TRIM74: variants seen among roughly 807,000 people sequenced by gnomAD.
TRIM74 encodes the protein tripartite motif-containing protein 74.
A neutral mutation model predicts 14.5 loss-of-function variants in TRIM74; 3 were observed. The ratio of observed to expected loss-of-function variants is 0.21; its 90% CI spans 0.09 to 0.53. The LOEUF is 0.53. Ranked by LOEUF, TRIM74 falls within the 20% of genes least tolerant of loss-of-function variation. TRIM74 has a pLI of 0.95. For missense variants in TRIM74, 26 were observed against 174.0 expected, an observed-to-expected ratio of 0.15 and a Z score of 4.79; for synonymous variants, 10 against 71.3, an observed-to-expected ratio of 0.14 and a Z score of 4.33.
chr7:72,958,739 C>G (rs1798126956), downstream of TRIM74, among the ~76,000 whole-genome samples: 2 of 91,380 alleles, frequency 2.2e-5, no homozygotes, highest in Admixed American at 1.1e-4. Context: ...TTGTATTTTT[C>G]ATAGAGACAG....
downstream of TRIM74, among the ~76,000 whole-genome samples, chr7:72,955,393 G>A (rs1258941859): frequency 2.8e-4 from 36 of 128,814 alleles, no homozygotes; most frequent in African/African-American, 1.1e-3. Context: ...CCCCACGCTG[G>A]CCATAATTAT....
At chr7:72,963,648 A>G (rs1443883328) in intron 2 of TRIM74, among the ~76,000 whole-genome samples, 6 of 140,638 alleles carry the variant, frequency 4.3e-5, no homozygotes, top group Admixed American at 3.6e-4. Flanking sequence ...AGACGGGAGG[A>G]TCACTTGAGG....
chr7:72,963,668 T>G (rs1216053159), intron 2 of TRIM74, among the ~76,000 whole-genome samples: 6 of 142,190 alleles, frequency 4.2e-5, no homozygotes, highest in Non-Finnish European at 7.8e-5. Flanking sequence ...GCCAGGAGTT[T>G]GAGTCCAGCC....
chr7:72,967,595 CT>C (rs1294524832), intron 1 of TRIM74, among the ~76,000 whole-genome samples: 1 of 121,136 alleles, frequency 8.3e-6, no homozygotes, highest in Non-Finnish European at 1.7e-5. Context: ...CTAATACAAA[CT>C]GGCAGATGAT....
At chr7:72,967,073 C>T (rs1798298570) in intron 1 of TRIM74, 1 of 152,802 alleles carries the variant, frequency 6.5e-6, no homozygotes, top group Admixed American at 6.5e-5. Flanking sequence ...GGGAGGCAGC[C>T]TTTGTTGGGC....
chr7:72,962,642 C>G (rs1451374373), intron 2 of TRIM74, among the ~76,000 whole-genome samples: 9 of 89,010 alleles, frequency 1.0e-4, no homozygotes, highest in African/African-American at 2.4e-4. Context: ...AGATCGCCCA[C>G]TGCACTCCAG....
intron 2 of TRIM74, among the ~76,000 whole-genome samples, chr7:72,962,676 G>A (rs1388093063): frequency 8.4e-6 from 1 of 118,444 alleles, no homozygotes; most frequent in Admixed American, 8.5e-5. Context: ...GCGAGACTCC[G>A]TCTCAAAAAA....
chr7:72,955,388 C>T (rs1460875803), downstream of TRIM74, among the ~76,000 whole-genome samples: 2 of 130,106 alleles, frequency 1.5e-5, no homozygotes, highest in Admixed American at 7.8e-5. Context: ...TGAGCCCCCA[C>T]GCTGGCCATA....
At chr7:72,955,031 C>T, downstream of TRIM74, 2 of 637,816 alleles carry the variant, frequency 3.1e-6, no homozygotes, top group East Asian at 6.0e-5. Flanking sequence ...AATATGTTCA[C>T]ATGTGTATTG....
chr7:72,967,696 TG>T (rs1343727284), intron 1 of TRIM74, among the ~76,000 whole-genome samples: 89 of 40,704 alleles, frequency 2.2e-3, no homozygotes, highest in Middle Eastern at 5.5e-3. Flanking sequence ...GGGCTGGTTT[TG>T]AACTCCTGGC....
At chr7:72,963,859 G>A (rs1798229789) in intron 2 of TRIM74, among the ~76,000 whole-genome samples, 1 of 53,622 alleles carries the variant, frequency 1.9e-5, no homozygotes, top group African/African-American at 6.9e-5. Flanking sequence ...ACCTGCAGTT[G>A]GCTTCCACCT....
At chr7:72,966,994 C>T (rs1478273063) in intron 1 of TRIM74, 1 of 141,516 alleles carries the variant, frequency 7.1e-6, no homozygotes, top group Non-Finnish European at 1.5e-5. Context: ...TCCTCCCCTT[C>T]CCCAGCAACA....
chr7:72,955,102 TATATATA>T (rs1798066194), downstream of TRIM74: 164 of 166,650 alleles, frequency 9.8e-4, no homozygotes, highest in East Asian at 3.7e-3. Context: ...TATATATATA[TATATATA>T]TATTTTTTTT....
At chr7:72,967,097 A>C (rs536287437) in intron 1 of TRIM74, 1 of 154,048 alleles carries the variant, frequency 6.5e-6, no homozygotes, top group East Asian at 1.9e-4. Context: ...CTCTGATAAC[A>C]TTCAAGTGCT....
chr7:72,969,197 C>A, intron 1 of TRIM74, 88 bp downstream of exon 1: 1 of 252,852 alleles, frequency 4.0e-6, no homozygotes, highest in Non-Finnish European at 7.8e-6. Flanking sequence ...CGCGCTCCCA[C>A]TGTGCGCCCC....
chr7:72,966,385 G>A (rs1159225203), intron 1 of TRIM74, among the ~76,000 whole-genome samples: 10 of 42,950 alleles, frequency 2.3e-4, no homozygotes, highest in African/African-American at 5.4e-4. Context: ...TTGAAGATAC[G>A]TGTGTGTGTG....
downstream of TRIM74, among the ~76,000 whole-genome samples, chr7:72,955,535 T>TG (rs1204479529): frequency 1.3e-5 from 2 of 149,152 alleles, no homozygotes; most frequent in African/African-American, 5.0e-5. Context: ...TCATGATACC[T>TG]GCCACTCACC....
At chr7:72,955,422 T>C (rs1310905494), downstream of TRIM74, among the ~76,000 whole-genome samples, 9 of 123,140 alleles carry the variant, frequency 7.3e-5, no homozygotes, top group Non-Finnish European at 1.3e-4. Context: ...GTTTATTGTC[T>C]TATCTTCCTC....
upstream of TRIM74, chr7:72,969,561 C>G: frequency 7.7e-7 from 1 of 1,301,870 alleles, no homozygotes; most frequent in South Asian, 1.3e-5. Flanking sequence ...GTTTTGTGCG[C>G]TCCGATTACG....
Sources: gnomAD v4.1 joint callset for allele counts (sites outside exome capture counted in the v4.1 genomes callset) on GRCh38, gnomAD v4.1.1 for gene constraint, MANE v1.5 for transcripts, NCBI Gene and HGNC (gene_info 2026-07-23, HGNC 2026-07-21) for gene names.